Variants in LIG3 observed in about 807,000 individuals in gnomAD.
LIG3 encodes ligase II, DNA, ATP-dependent.
LIG3 carries 58 observed loss-of-function variants against 110.9 expected under a neutral mutation model. The ratio of observed to expected loss-of-function variants is 0.52; its 90% CI spans 0.42 to 0.65. The LOEUF is 0.65. Ranked by LOEUF, LIG3 falls within the 30% of genes least tolerant of loss-of-function variation. The pLI, the probability that LIG3 is intolerant of heterozygous loss-of-function variation, is 0.00. For missense variants in LIG3, 1,094 were observed against 1,273.8 expected, an observed-to-expected ratio of 0.86 and a Z score of 2.15; for synonymous variants, 422 against 472.8, an observed-to-expected ratio of 0.89 and a Z score of 1.39.
chr17:34,988,247 G>T (rs2142244752), intron 3 of LIG3, among the ~76,000 whole-genome samples: 1 of 151,626 alleles, frequency 6.6e-6, no homozygotes, highest in East Asian at 1.9e-4. Context: ...TTGTTTGCTG[G>T]TAGGCCAAAG....
At chr17:34,994,174 C>T (rs1760313327) in intron 8 of LIG3, 102 bp from the exon 9 acceptor site, 1 of 1,110,026 alleles carries the variant, frequency 9.0e-7, no homozygotes, top group African/African-American at 1.6e-5. Context: ...AGTCCCAAGA[C>T]CCAGGTAACT....
At position 34,983,436 on chromosome 17, in the gene LIG3, T is replaced by C; in HGVS notation, c.431T>C (p.Phe144Ser). 2 of 1,614,068 alleles carry C rather than the reference T, an allele frequency of 1.2e-6. No homozygotes were observed. Among genetic ancestry groups the C allele is most frequent in the African/African-American group, 1.3e-5 (1 of 74,980 alleles). The part of the protein sequence containing the change: ...MKEWYHIKCM[F>S]EKLERARATT... ...GAGTGGTACCACATTAAATGCATGT[T>C]TGAGAAACTAGAGCGGGCCCGGGCC... Residue 144 changes from phenylalanine to serine, a missense_variant, in exon 2 of 20, where the codon TTT becomes TCT. Transcript: ENST00000378526.
At chr17:34,988,936 G>A (rs915399409) in intron 3 of LIG3, among the ~76,000 whole-genome samples, 4 of 152,196 alleles carry the variant, frequency 2.6e-5, no homozygotes, top group South Asian at 2.1e-4. Context: ...TGTCTAACAC[G>A]TACTTGATTT....
chr17:34,992,469 A>G (rs2090732451), intron 7 of LIG3, 55 bp from the exon 8 acceptor site: 4 of 1,509,486 alleles, frequency 2.6e-6, no homozygotes, highest in Non-Finnish European at 2.7e-6. Flanking sequence ...GTCCAAAGCC[A>G]TGGAGTCAAA....
intron 12 of LIG3, 183 bp from the exon 13 acceptor site, chr17:34,998,036 C>T: frequency 4.6e-6 from 3 of 649,114 alleles, no homozygotes; most frequent in Non-Finnish European, 8.0e-6. Context: ...TCCTGTGTTT[C>T]AAAGCCACAG....
intron 16 of LIG3, among the ~76,000 whole-genome samples, chr17:35,000,883 G>A (rs2090833801): frequency 6.6e-6 from 1 of 151,374 alleles, no homozygotes; most frequent in African/African-American, 2.4e-5. Flanking sequence ...CAAAGTGCTG[G>A]GATTACAGAT....
chr17:34,984,962 G>C (rs1339748557), intron 2 of LIG3, among the ~76,000 whole-genome samples: 1 of 152,014 alleles, frequency 6.6e-6, no homozygotes, highest in Non-Finnish European at 1.5e-5. Flanking sequence ...GTTTTTAGTA[G>C]AGACAGGGTT....
At chr17:34,989,345 A>G (rs2090692266) in intron 3 of LIG3, 121 bp from the exon 4 acceptor site, 2 of 881,980 alleles carry the variant, frequency 2.3e-6, no homozygotes, top group Admixed American at 5.4e-5. Context: ...TCTACCCCAA[A>G]AGTCTATTCG....
At position 34,983,293 on chromosome 17, in the gene LIG3, C is replaced by T. The variant is rs754743392; in HGVS notation, c.288C>T (p.Asp96=). The change falls in exon 2 of 20, where the codon GAC becomes GAT. Residue 96 remains aspartate, a synonymous_variant. Coordinates refer to ENST00000378526, the MANE Select transcript of LIG3 (RefSeq NM_013975.4). The part of the protein sequence containing the change: ...CEMAEQRFCV[D]YAKRGTAGCK... ...TGGCTGAGCAACGGTTCTGTGTGGA[C>T]TATGCCAAGCGTGGCACAGCTGGCT... 2.5e-6 allele frequency: 4 copies of T among 1,614,118 alleles called. No individual in the cohort carries two copies. The African/African-American group carries it at 4.0e-5, about 16-fold the overall frequency.
In LIG3 at chr17:35,004,496, C is replaced by T. The variant is rs2090879812; in HGVS notation, c.3020C>T (p.Ala1007Val). ...TGTATCCGGAAACGGAGACTGGTAG[C>T]TCCCTGCTAGGTTTGCTGTCTTCCC... ...WACIRKRRLV[A>V]PC Residue 1007 changes from alanine to valine, a missense_variant, in exon 20 of 20, where the codon GCT (alanine) becomes GTT (valine). Ala to Val is a moderately conservative substitution (Grantham distance 64, BLOSUM62 0). Coordinates refer to ENST00000378526, the MANE Select transcript of LIG3 (RefSeq NM_013975.4). 5 of 1,613,358 alleles carry T rather than the reference C, an allele frequency of 3.1e-6. No individual in the cohort carries two copies. Among genetic ancestry groups the T allele is most frequent in the Non-Finnish European group, 4.2e-6 (5 of 1,179,482 alleles).
At position 35,009,557 on chromosome 17, in the gene LIG3, A is replaced by C. The variant is rs558122471; in HGVS notation, c.*5051A>C. On this transcript the variant is annotated 3_prime_UTR_variant, in exon 20 of 20. Transcript: ENST00000378526. ...ACTGGAATGGGATCTTGGAACTCCC[A>C]ACTTTAATTTGGTGTAATAAAAATG... 6.6e-6 allele frequency: 1 copy of C among 152,214 alleles called. No individual in the cohort carries two copies. Among genetic ancestry groups the C allele is most frequent in the African/African-American group, 2.4e-5 (1 of 41,508 alleles). 9.4% of individuals were successfully genotyped at this position (152,214 alleles called of 1,614,324 possible).
Position 35,002,035 on chromosome 17 carries a change from G to A in LIG3, c.2605G>A (p.Ala869Thr). The A allele has an allele frequency of 6.2e-7, 1 of 1,609,188 alleles. No individual in the cohort carries two copies. Among genetic ancestry groups the A allele is most frequent in the East Asian group, 2.2e-5 (1 of 44,720 alleles). Residue 869 changes from alanine (A) to threonine (T), a missense_variant, in exon 18 of 20, where the codon GCC becomes ACC. Ala to Thr is a moderately conservative substitution (Grantham distance 58, BLOSUM62 0). Transcript: ENST00000378526. ...GPSGSAVSRK[A>T]PSKPSASTKK... ...CTCAGGGTCTGCTGTGTCCCGCAAGGCCCCCAGCAAGCCCTCAGCCAGTAC... is the reference window on the plus strand; with the variant it reads ...CTCAGGGTCTGCTGTGTCCCGCAAGACCCCCAGCAAGCCCTCAGCCAGTAC...
At position 34,998,154 on chromosome 17, in the gene LIG3, A is replaced by G. The variant is rs777892665; in HGVS notation, c.1912-65A>G. On this transcript the variant is annotated intron_variant, in intron 12 of 19. Coordinates refer to ENST00000378526, the MANE Select transcript of LIG3 (RefSeq NM_013975.4). ...ACTTAACTAGTGTGTGAAAAGGAAC[A>G]ACCCCCACTCACTCACCACCTTCTC... The G allele has an allele frequency of 4.9e-6, 6 of 1,221,504 alleles. No individual in the cohort carries two copies. The African/African-American group carries it at 6.0e-5, about 12-fold the overall frequency. The allele number at this position is 1,221,504 out of a possible 1,614,324, so 75.7% of individuals were successfully genotyped here.
Position 35,009,259 on chromosome 17 carries a change from T to C in LIG3, c.*4753T>C, listed in dbSNP as rs2090919055. 1 of 152,740 alleles carries C rather than the reference T, an allele frequency of 6.5e-6. No homozygotes were observed. The highest frequency in any genetic ancestry group is 6.5e-5 in the Admixed American group (1 of 15,304). The allele number at this position is 152,740 out of a possible 1,614,324, so 9.5% of individuals were successfully genotyped here. A position where few individuals can be genotyped will look rare whatever the true frequency, so the allele number is the denominator to read the frequency against. ...AGTAACAATTCACATCCAAGAGATT[T>C]CCACAAATTTATACAATGTATATTG... is the stretch of plus-strand genomic sequence containing the variant. On this transcript the variant is annotated 3_prime_UTR_variant, in exon 20 of 20. Transcript: ENST00000378526.
intron 3 of LIG3, among the ~76,000 whole-genome samples, chr17:34,987,935 TTG>T (rs1256037066): frequency 2.0e-5 from 3 of 151,790 alleles, no homozygotes; most frequent in Admixed American, 6.6e-5. Context: ...TGGCTCACAC[TTG>T]TAATCCCAGC....
chr17:35,001,527 A>T (rs1280686208), intron 17 of LIG3, 124 bp downstream of exon 17: 1 of 1,032,234 alleles, frequency 9.7e-7, no homozygotes, highest in Admixed American at 2.3e-5. Flanking sequence ...AGGCAGAGCA[A>T]GGAGGGCAAT....
rs2090849363 is a variant in LIG3, at chr17:35,002,113, A to G, written c.2674+9A>G. ...CTCCAACAGCAAAGATGGTAAGGATAGGGAGGGGGCTGGTATGGTGAAGAG... is the reference window on the plus strand; with the variant it reads ...CTCCAACAGCAAAGATGGTAAGGATGGGGAGGGGGCTGGTATGGTGAAGAG... On this transcript the variant is annotated intron_variant, in intron 18 of 19. Coordinates refer to ENST00000378526, the MANE Select transcript of LIG3 (RefSeq NM_013975.4). The G allele has an allele frequency of 1.3e-6, 2 of 1,562,108 alleles. No homozygotes were observed. The highest frequency in any genetic ancestry group is 1.7e-6 in the Non-Finnish European group (2 of 1,154,808).
chr17:34,990,870 T>G, intron 4 of LIG3, 93 bp from the exon 5 acceptor site: 4 of 1,245,872 alleles, frequency 3.2e-6, no homozygotes, highest in Non-Finnish European at 4.6e-6. Flanking sequence ...GTGCTGAGAT[T>G]ACAGGTGTGA....
rs1166793101 is a variant in LIG3, at chr17:35,005,731, T to A, written c.*1225T>A. 1 of 563,442 alleles carries A rather than the reference T, an allele frequency of 1.8e-6. No homozygotes were observed. The highest frequency in any genetic ancestry group is 3.6e-6 in the Non-Finnish European group (1 of 280,576). 34.9% of individuals were successfully genotyped at this position (563,442 alleles called of 1,614,324 possible). A position where few individuals can be genotyped will look rare whatever the true frequency, so the allele number is the denominator to read the frequency against. ...ATGTGAATGAAACTGCCGGGCTATC[T>A]GATGGGTTAGAGCGCCTTTAAGAAG... On this transcript the variant is annotated 3_prime_UTR_variant, in exon 20 of 20. Transcript: ENST00000378526.
Sources: gnomAD v4.1 joint callset for allele counts (sites outside exome capture counted in the v4.1 genomes callset) on GRCh38, gnomAD v4.1.1 for gene constraint, MANE v1.5 for transcripts, NCBI Gene and HGNC (gene_info 2026-07-23, HGNC 2026-07-21) for gene names.